The following FCHSD2 variants were observed in gnomAD, a reference collection of about 807,000 sequenced individuals.
FCHSD2 encodes FCH and double SH3 domains 2.
Under a neutral mutation model 108.1 loss-of-function variants are expected in FCHSD2, and 38 were observed. The observed-to-expected ratio is 0.35, with a 90% CI of 0.27 to 0.46. The LOEUF (loss-of-function observed/expected upper bound fraction) is 0.46. Ranked by LOEUF, FCHSD2 falls within the 20% of genes least tolerant of loss-of-function variation. FCHSD2 has a pLI of 1.00. For missense variants in FCHSD2, 751 were observed against 897.8 expected (o/e 0.84, Z 2.09); for synonymous variants, 279 against 314.7 (o/e 0.89, Z 1.20).
At chr11:72,916,104 T>A (rs1855868264) in intron 9 of FCHSD2, among the ~76,000 whole-genome samples, 1 of 152,046 alleles carries the variant, frequency 6.6e-6, no homozygotes, top group African/African-American at 2.4e-5. Context: ...GAAAAATAAC[T>A]AATGGGTACT....
At chr11:73,080,167 T>C (rs554242305) in intron 3 of FCHSD2, among the ~76,000 whole-genome samples, 3 of 151,704 alleles carry the variant, frequency 2.0e-5, no homozygotes, top group African/African-American at 7.2e-5. Context: ...TATGGTGGCA[T>C]GCACCTGTAG....
At chr11:72,880,197 G>GA in intron 12 of FCHSD2, among the ~76,000 whole-genome samples, 1 of 152,000 alleles carries the variant, frequency 6.6e-6, no homozygotes, top group Non-Finnish European at 1.5e-5. Context: ...GAAAGAAATT[G>GA]AAGAGGACAA....
At chr11:73,088,835 AT>A (rs1373971317) in intron 2 of FCHSD2, among the ~76,000 whole-genome samples, 2 of 152,236 alleles carry the variant, frequency 1.3e-5, no homozygotes, top group East Asian at 3.9e-4. Flanking sequence ...AGAAGGTTGG[AT>A]TTTTTTATAT....
In FCHSD2 at chr11:73,058,852, G is replaced by A. The variant is rs117590031; in HGVS notation, c.165+24843C>T. Among the ~76,000 whole-genome samples the A allele has an allele frequency of 7.7e-3, 1,171 of 152,162 alleles. 7 individuals carry two copies. Among genetic ancestry groups the A allele is most frequent in the Middle Eastern group, 0.014 (4 of 294 alleles). On this transcript the variant is annotated intron_variant, in intron 3 of 19. Transcript: ENST00000409418. ...CAAAGTGCTGGGATTACACGTGTGA[G>A]CCATCCCACCTAGACTTTCATTTTC...
chr11:72,989,075 A>T lies in FCHSD2; in HGVS notation c.410T>A (p.Ile137Asn). The stretch of plus-strand genomic sequence containing the variant: ...CACTGTCTCTTGTAATTCAGTTTGG[A>T]TCTTTGTCAACTGGTCCACACACTG... ...LKRCVDQLTKIQTELQETVKD... is the reference protein window; with the variant it reads ...LKRCVDQLTKNQTELQETVKD... Residue 137 changes from isoleucine (I) to asparagine (N), a missense_variant, in exon 6 of 20, where the codon ATC (isoleucine) becomes AAC (asparagine). Ile to Asn is a moderately radical substitution (Grantham distance 149, BLOSUM62 -3). Coordinates refer to ENST00000409418, the MANE Select transcript of FCHSD2 (RefSeq NM_014824.3). 6.2e-7 allele frequency: 1 copy of T among 1,608,924 alleles called. No individual in the cohort carries two copies. The highest frequency in any genetic ancestry group is 8.5e-7 in the Non-Finnish European group (1 of 1,177,186).
chr11:73,001,862 G>C (rs1471800214), intron 4 of FCHSD2, among the ~76,000 whole-genome samples: 1 of 152,142 alleles, frequency 6.6e-6, no homozygotes, highest in African/African-American at 2.4e-5. Flanking sequence ...TCTCAGTCAA[G>C]TCAAAGAATT....
intron 8 of FCHSD2, among the ~76,000 whole-genome samples, chr11:72,922,583 A>T (rs1392430926): frequency 6.6e-6 from 1 of 152,196 alleles, no homozygotes; most frequent in African/African-American, 2.4e-5. Flanking sequence ...AGGAATGATT[A>T]AGCTATGATG....
chr11:72,870,962 G>C (rs899433322), intron 12 of FCHSD2, among the ~76,000 whole-genome samples: 1 of 145,024 alleles, frequency 6.9e-6, no homozygotes, highest in Non-Finnish European at 1.5e-5. Context: ...TGACTAACTT[G>C]TTTGTTGACT....
intron 3 of FCHSD2, among the ~76,000 whole-genome samples, chr11:73,057,567 C>T (rs1479248248): frequency 6.6e-6 from 1 of 151,982 alleles, no homozygotes. Context: ...GAGGAGAAAA[C>T]ATCTATATAA....
intron 10 of FCHSD2, among the ~76,000 whole-genome samples, chr11:72,900,828 A>G (rs956887893): frequency 7.2e-5 from 11 of 152,200 alleles, no homozygotes; most frequent in African/African-American, 2.7e-4. Context: ...TATTAAACTG[A>G]TACCATTAAA....
chr11:72,994,753 G>A (rs539638875), intron 5 of FCHSD2, among the ~76,000 whole-genome samples: 7 of 152,020 alleles, frequency 4.6e-5, no homozygotes, highest in East Asian at 3.9e-4. Context: ...GTGACAGAGC[G>A]AGACTCCATC....
chr11:72,895,751 T>C (rs1473802295), intron 10 of FCHSD2, among the ~76,000 whole-genome samples: 1 of 152,212 alleles, frequency 6.6e-6, no homozygotes, highest in Non-Finnish European at 1.5e-5. Flanking sequence ...TCAGTATTGC[T>C]AATTCTAAAA....
chr11:72,993,288 G>C (rs1193013002), intron 5 of FCHSD2, among the ~76,000 whole-genome samples: 5 of 152,148 alleles, frequency 3.3e-5, no homozygotes, highest in Non-Finnish European at 5.9e-5. Flanking sequence ...TGGAGAAATA[G>C]GAACACTTTT....
At chr11:73,138,645 G>A (rs1591586438) in intron 2 of FCHSD2, among the ~76,000 whole-genome samples, 1 of 128,242 alleles carries the variant, frequency 7.8e-6, no homozygotes, top group African/African-American at 3.0e-5. Flanking sequence ...GTCTCACTCT[G>A]TTGCCCAGGC....
chr11:73,114,640 A>C (rs1459120077), intron 2 of FCHSD2, among the ~76,000 whole-genome samples: 1 of 152,000 alleles, frequency 6.6e-6, no homozygotes, highest in African/African-American at 2.4e-5. Flanking sequence ...CACTTTAGTC[A>C]GCAGGTAAAG....
intron 8 of FCHSD2, among the ~76,000 whole-genome samples, chr11:72,944,904 T>C (rs1856489015): frequency 6.6e-6 from 1 of 151,946 alleles, no homozygotes; most frequent in African/African-American, 2.4e-5. Flanking sequence ...TAAAAAAGGA[T>C]ACAAACAAAT....
chr11:72,865,593 G>T (rs1854702858), intron 13 of FCHSD2, among the ~76,000 whole-genome samples: 1 of 151,404 alleles, frequency 6.6e-6, no homozygotes, highest in South Asian at 2.1e-4. Flanking sequence ...TTCACAACGA[G>T]AACAGCCCTT....
chr11:73,075,390 T>C (rs933155335), intron 3 of FCHSD2, among the ~76,000 whole-genome samples: 1 of 152,332 alleles, frequency 6.6e-6, no homozygotes, highest in South Asian at 2.1e-4. Flanking sequence ...TGATTGATTA[T>C]AGCCACTACA....
chr11:73,054,921 G>A (rs1035873247), intron 3 of FCHSD2, among the ~76,000 whole-genome samples: 1 of 152,158 alleles, frequency 6.6e-6, no homozygotes, highest in Non-Finnish European at 1.5e-5. Context: ...GTGGGCTGTT[G>A]TATTAGTCCA....
Sources: gnomAD v4.1 joint callset for allele counts (sites outside exome capture counted in the v4.1 genomes callset) on GRCh38, gnomAD v4.1.1 for gene constraint, MANE v1.5 for transcripts, NCBI Gene and HGNC (gene_info 2026-07-23, HGNC 2026-07-21) for gene names.